Variants in PIP5K1B observed in about 807,000 individuals in gnomAD.
PIP5K1B encodes phosphatidylinositol 4-phosphate 5-kinase type-1 beta.
In PIP5K1B, 42 loss-of-function variants were observed where a neutral mutation model predicts 67.0. That is an observed-to-expected ratio of 0.63 (90% confidence interval 0.49 to 0.81). The LOEUF (loss-of-function observed/expected upper bound fraction) is 0.81, where lower values mean the gene tolerates loss of function less well. Among genes scored for constraint, PIP5K1B ranks in the 30% least tolerant of loss-of-function variants. PIP5K1B has a pLI of 0.00. For missense variants in PIP5K1B, 459 were observed against 646.3 expected, an observed-to-expected ratio of 0.71 and a Z score of 3.14; for synonymous variants, 214 against 231.4, an observed-to-expected ratio of 0.92 and a Z score of 0.68.
intron 12 of PIP5K1B, among the ~76,000 whole-genome samples, 177 bp from the exon 13 acceptor site, chr9:68,934,713 C>T (rs367641994): frequency 2.8e-4 from 43 of 152,240 alleles, no homozygotes; most frequent in Admixed American, 2.5e-3. Context: ...GCCAATTCAT[C>T]GTATTCATCA....
chr9:68,862,990 T>C (rs1823175542), intron 4 of PIP5K1B, among the ~76,000 whole-genome samples: 1 of 152,042 alleles, frequency 6.6e-6, no homozygotes, highest in Non-Finnish European at 1.5e-5. Flanking sequence ...ATTTGCTAAG[T>C]AAAAATATTA....
chr9:68,729,314 T>C (rs1442755294), intron 1 of PIP5K1B, among the ~76,000 whole-genome samples: 1 of 152,200 alleles, frequency 6.6e-6, no homozygotes, highest in Non-Finnish European at 1.5e-5. Context: ...ACTTGAAATA[T>C]ATAATTTTTA....
chr9:68,894,189 A>T, intron 7 of PIP5K1B, 150 bp from the exon 8 acceptor site: 1 of 621,570 alleles, frequency 1.6e-6, no homozygotes, highest in Non-Finnish European at 2.8e-6. Context: ...GAAATAGATT[A>T]GAAACAGCAA....
intron 8 of PIP5K1B, among the ~76,000 whole-genome samples, chr9:68,907,196 T>C (rs961535278): frequency 5.9e-5 from 9 of 152,188 alleles, no homozygotes; most frequent in Non-Finnish European, 8.8e-5. Context: ...TCAGGGTAGG[T>C]GTGAACTGTC....
At chr9:68,729,782 T>C (rs990951576) in intron 1 of PIP5K1B, among the ~76,000 whole-genome samples, 1 of 152,184 alleles carries the variant, frequency 6.6e-6, no homozygotes, top group African/African-American at 2.4e-5. Context: ...GGCATGGCTG[T>C]GTAGAATTTG....
intron 4 of PIP5K1B, among the ~76,000 whole-genome samples, chr9:68,825,324 G>A (rs1397292532): frequency 6.6e-6 from 1 of 152,176 alleles, no homozygotes; most frequent in Non-Finnish European, 1.5e-5. Context: ...TGGTTGGACT[G>A]ATGGTCTCGA....
chr9:68,773,503 T>G (rs1444822751), intron 2 of PIP5K1B, among the ~76,000 whole-genome samples: 1 of 152,192 alleles, frequency 6.6e-6, no homozygotes, highest in Non-Finnish European at 1.5e-5. Flanking sequence ...ATATCTTCCT[T>G]TATAGTCCCC....
intron 6 of PIP5K1B, among the ~76,000 whole-genome samples, chr9:68,877,370 T>A (rs773312300): frequency 2.0e-5 from 3 of 152,242 alleles, no homozygotes; most frequent in Non-Finnish European, 2.9e-5. Context: ...ACAGCCTTTT[T>A]GTAAGAGGTA....
intron 14 of PIP5K1B, among the ~76,000 whole-genome samples, chr9:68,972,612 T>C (rs1163378979): frequency 6.6e-6 from 1 of 152,048 alleles, no homozygotes; most frequent in Non-Finnish European, 1.5e-5. Flanking sequence ...CTACACTCCA[T>C]CCTGAGCGAC....
chr9:68,839,090 C>A (rs1821778908), intron 4 of PIP5K1B, among the ~76,000 whole-genome samples: 1 of 152,120 alleles, frequency 6.6e-6, no homozygotes, highest in Non-Finnish European at 1.5e-5. Flanking sequence ...TTGGGGTGGG[C>A]AGTTTGTTGA....
chr9:68,724,688 TG>T (rs1293402475), intron 1 of PIP5K1B, among the ~76,000 whole-genome samples: 1 of 152,164 alleles, frequency 6.6e-6, no homozygotes, highest in African/African-American at 2.4e-5. Flanking sequence ...TTGTAGTTAT[TG>T]TAAGTGGGGT....
chr9:68,964,471 G>T (rs1022617492), intron 14 of PIP5K1B, among the ~76,000 whole-genome samples: 1 of 152,218 alleles, frequency 6.6e-6, no homozygotes, highest in Non-Finnish European at 1.5e-5. Context: ...TTGCCTTGCT[G>T]TGAAGGGTAC....
At chr9:68,817,116 T>A (rs1833485129) in intron 2 of PIP5K1B, among the ~76,000 whole-genome samples, 1 of 152,200 alleles carries the variant, frequency 6.6e-6, no homozygotes, top group Admixed American at 6.5e-5. Context: ...GAACTGGAAT[T>A]GTAAATCACC....
At chr9:68,826,686 A>G (rs759388360) in intron 4 of PIP5K1B, among the ~76,000 whole-genome samples, 6 of 152,206 alleles carry the variant, frequency 3.9e-5, no homozygotes, top group Non-Finnish European at 8.8e-5. Context: ...AGAGGGACCC[A>G]CATGAAAAAA....
chr9:68,991,730 G>T (rs1830372865), intron 15 of PIP5K1B, among the ~76,000 whole-genome samples: 1 of 152,158 alleles, frequency 6.6e-6, no homozygotes, highest in Admixed American at 6.5e-5. Context: ...TGTGATTTGG[G>T]AAGGAACCTT....
At chr9:68,842,428 C>T (rs975351154) in intron 4 of PIP5K1B, among the ~76,000 whole-genome samples, 1 of 152,144 alleles carries the variant, frequency 6.6e-6, no homozygotes, top group Admixed American at 6.5e-5. Flanking sequence ...CTTGGTGAAA[C>T]AAAATGTGAG....
intron 5 of PIP5K1B, among the ~76,000 whole-genome samples, chr9:68,871,803 A>G (rs60373811): frequency 0.026 from 3,953 of 152,116 alleles, 161 homozygotes; most frequent in East Asian, 0.13. Flanking sequence ...TCGAAATTTT[A>G]CTGGCCCATG....
chr9:68,760,005 A>G (rs987411987), intron 2 of PIP5K1B, among the ~76,000 whole-genome samples: 1 of 152,140 alleles, frequency 6.6e-6, no homozygotes, highest in Admixed American at 6.6e-5. Context: ...CAGAAGCTAC[A>G]TTTTTGTATT....
intron 1 of PIP5K1B, chr9:68,706,045 A>G (rs2132222863): frequency 6.6e-6 from 1 of 152,332 alleles, no homozygotes; most frequent in South Asian, 2.1e-4. Flanking sequence ...GTTCACTTAA[A>G]TAGGAGTACT....
Sources: allele counts gnomAD v4.1 joint callset (sites outside exome capture counted in the v4.1 genomes callset), GRCh38; gene constraint gnomAD v4.1.1; transcripts MANE v1.5; gene names NCBI Gene and HGNC (gene_info 2026-07-23, HGNC 2026-07-21).